GRM7: variants seen among roughly 807,000 people sequenced by gnomAD.
GRM7 encodes glutamate metabotropic receptor 7, also known as metabotropic glutamate receptor 7.
A neutral mutation model predicts 84.5 loss-of-function variants in GRM7; 35 were observed. The ratio of observed to expected loss-of-function variants is 0.41; its 90% CI spans 0.32 to 0.55. The LOEUF is 0.55. Ranked by LOEUF, GRM7 falls within the 20% of genes least tolerant of loss-of-function variation. The probability of loss-of-function intolerance (pLI) is 0.19; values close to 1 mark genes in which losing one functional copy is unlikely to be tolerated. For missense variants in GRM7, 1,003 were observed against 1,194.6 expected (o/e 0.84, Z 2.36); for synonymous variants, 487 against 455.1 (o/e 1.07, Z -0.89).
intron 1 of GRM7, among the ~76,000 whole-genome samples, chr3:7,001,096 T>C (rs952268311): frequency 2.6e-5 from 4 of 152,176 alleles, no homozygotes; most frequent in African/African-American, 4.8e-5. Flanking sequence ...TAACCCAAAA[T>C]GAAGAAAACT....
At position 7,357,722 on chromosome 3, in the gene GRM7, C is replaced by A. The variant is rs542467609; in HGVS notation, c.1033+51070C>A. Among the ~76,000 whole-genome samples the A allele has an allele frequency of 2.0e-5, 3 of 152,242 alleles. No homozygotes were observed. In the South Asian group the frequency reaches 6.2e-4, roughly 32 times the overall value. ...ACATTCCCTGTCCTTTATGACCTCC[C>A]TGATGCTCAGGCTGACAGGTCACCA... On this transcript the variant is annotated intron_variant, in intron 4 of 9. Coordinates refer to ENST00000357716, the MANE Select transcript of GRM7 (RefSeq NM_000844.4).
chr3:7,244,991 G>C (rs1697704558), intron 2 of GRM7, among the ~76,000 whole-genome samples: 1 of 151,914 alleles, frequency 6.6e-6, no homozygotes, highest in Non-Finnish European at 1.5e-5. Flanking sequence ...ACTTAAAAAT[G>C]ACTAAATGTA....
chr3:6,891,317 C>A lies in GRM7; in HGVS notation c.519+29410C>A, dbSNP rs569990087. On this transcript the variant is annotated intron_variant, in intron 1 of 9. Coordinates refer to ENST00000357716, the MANE Select transcript of GRM7 (RefSeq NM_000844.4). ...TTTTGCTCATTAGTTGATGCAGTTT[C>A]TTCCTGGCCTCGATGGTCTTTACAA... Among the ~76,000 whole-genome samples the A allele has an allele frequency of 1.1e-3, 163 of 152,300 alleles. 1 individual carries two copies. Among genetic ancestry groups the A allele is most frequent in the African/African-American group, 3.6e-3 (149 of 41,578 alleles).
rs75604033 is a variant in GRM7, at chr3:7,049,110, G to T, written c.520-97342G>T. ...ATGTCCATTCACTCCTCTCACGTTA[G>T]TTCATTAAGCAAATGTTTATTGAGA... is the stretch of plus-strand genomic sequence containing the variant. On this transcript the variant is annotated intron_variant, in intron 1 of 9. Coordinates refer to ENST00000357716, the MANE Select transcript of GRM7 (RefSeq NM_000844.4). 6.1e-3 allele frequency among the ~76,000 whole-genome samples: 926 copies of T among 152,044 alleles called. 11 individuals carry two copies. The highest frequency in any genetic ancestry group is 0.021 in the African/African-American group (868 of 41,518).
At chr3:7,513,795 C>A (rs114628287) in intron 7 of GRM7, among the ~76,000 whole-genome samples, 1 of 152,110 alleles carries the variant, frequency 6.6e-6, no homozygotes, top group Non-Finnish European at 1.5e-5. Context: ...AAAGACAACC[C>A]AAAACCACCT....
chr3:6,986,278 T>A (rs568784818), intron 1 of GRM7, among the ~76,000 whole-genome samples: 1 of 152,192 alleles, frequency 6.6e-6, no homozygotes, highest in African/African-American at 2.4e-5. Flanking sequence ...ATAGACATGT[T>A]TACCACCTTT....
At chr3:7,644,373 C>T (rs1370275594) in intron 8 of GRM7, among the ~76,000 whole-genome samples, 1 of 151,854 alleles carries the variant, frequency 6.6e-6, no homozygotes, top group Non-Finnish European at 1.5e-5. Context: ...CACAGACCTT[C>T]TGATAATATA....
intron 8 of GRM7, among the ~76,000 whole-genome samples, chr3:7,644,226 G>A (rs62233875): frequency 0.87 from 91,776 of 105,514 alleles, 40,512 homozygotes; most frequent in African/African-American, 0.93. Context: ...ATATATGTGT[G>A]TGTCTGTACA....
At chr3:7,097,921 C>T (rs957374011) in intron 1 of GRM7, among the ~76,000 whole-genome samples, 2 of 152,040 alleles carry the variant, frequency 1.3e-5, no homozygotes, top group East Asian at 1.9e-4. Context: ...CACTGAATCT[C>T]GTTGAGGAGA....
At chr3:7,735,974 TAA>T (rs778021055) in intron 9 of GRM7, among the ~76,000 whole-genome samples, 4 of 152,232 alleles carry the variant, frequency 2.6e-5, no homozygotes, top group Admixed American at 6.5e-5. Flanking sequence ...CTCTCCCATA[TAA>T]ATTTACCAAC....
chr3:7,205,113 A>G (rs1007908726), intron 2 of GRM7, among the ~76,000 whole-genome samples: 1 of 152,238 alleles, frequency 6.6e-6, no homozygotes, highest in East Asian at 1.9e-4. Flanking sequence ...TAGGCTTCAG[A>G]CAATGTCAGT....
At chr3:7,600,328 C>T (rs559346845) in intron 8 of GRM7, among the ~76,000 whole-genome samples, 1 of 152,116 alleles carries the variant, frequency 6.6e-6, no homozygotes, top group South Asian at 2.1e-4. Context: ...GAGACACACA[C>T]CAAATAAAAT....
chr3:7,580,889 A>G (rs1181774131), intron 8 of GRM7, among the ~76,000 whole-genome samples: 1 of 140,956 alleles, frequency 7.1e-6, no homozygotes, highest in African/African-American at 2.4e-5. Flanking sequence ...AATAGAGAGA[A>G]GAAAAAAAAA....
chr3:6,947,019 C>G (rs1315499462), intron 1 of GRM7, among the ~76,000 whole-genome samples: 1 of 152,180 alleles, frequency 6.6e-6, no homozygotes, highest in Admixed American at 6.5e-5. Context: ...TTGACTTCTT[C>G]TTTTCCTAAT....
chr3:7,345,880 A>G (rs1259789937), intron 4 of GRM7, among the ~76,000 whole-genome samples: 1 of 152,124 alleles, frequency 6.6e-6, no homozygotes, highest in Non-Finnish European at 1.5e-5. Context: ...AAAAATGTGG[A>G]TGTAGTAACG....
intron 5 of GRM7, among the ~76,000 whole-genome samples, chr3:7,421,623 C>T (rs1172125045): frequency 6.6e-6 from 1 of 151,846 alleles, no homozygotes; most frequent in Non-Finnish European, 1.5e-5. Flanking sequence ...AGCCATGAAT[C>T]CATCTTCAGG....
At chr3:7,190,095 G>T (rs1237431826) in intron 2 of GRM7, among the ~76,000 whole-genome samples, 3 of 152,164 alleles carry the variant, frequency 2.0e-5, no homozygotes, top group African/African-American at 7.2e-5. Flanking sequence ...TATCTGTGTT[G>T]ATTCTGTCTT....
At chr3:7,426,064 C>A (rs1248879875) in intron 5 of GRM7, among the ~76,000 whole-genome samples, 1 of 151,902 alleles carries the variant, frequency 6.6e-6, no homozygotes, top group African/African-American at 2.4e-5. Context: ...AATTCCTCAA[C>A]ATTTAAGACA....
chr3:7,322,443 G>C (rs1319855307), intron 4 of GRM7, among the ~76,000 whole-genome samples: 1 of 150,586 alleles, frequency 6.6e-6, no homozygotes, highest in Non-Finnish European at 1.5e-5. Flanking sequence ...GTTTTTTTTT[G>C]TTGTTGTTAC....
Sources: gnomAD v4.1 joint callset for allele counts (sites outside exome capture counted in the v4.1 genomes callset) on GRCh38, gnomAD v4.1.1 for gene constraint, MANE v1.5 for transcripts, NCBI Gene and HGNC (gene_info 2026-07-23, HGNC 2026-07-21) for gene names.